The following NPIPB2 variants were observed in gnomAD, a reference collection of about 807,000 sequenced individuals.
The protein encoded by NPIPB2 is nuclear pore complex-interacting protein family member B2.
Under a neutral mutation model 30.8 loss-of-function variants are expected in NPIPB2, and 27 were observed. That is an observed-to-expected ratio of 0.88 (90% CI 0.65 to 1.21). The LOEUF (loss-of-function observed/expected upper bound fraction) is 1.21, where lower values mean the gene tolerates loss of function less well. NPIPB2 is among the 50% of genes most tolerant of loss of function. The pLI is 0.00. For synonymous variants in NPIPB2, 147 were observed against 162.0 expected, an observed-to-expected ratio of 0.91 and a Z score of 0.70; for missense variants, 440 against 446.2, an observed-to-expected ratio of 0.99 and a Z score of 0.13.
intron 1 of NPIPB2, among the ~76,000 whole-genome samples, chr16:11,951,892 G>A (rs2055069482): frequency 6.6e-6 from 1 of 152,012 alleles, no homozygotes; most frequent in Non-Finnish European, 1.5e-5. Flanking sequence ...GGGCGCGGTG[G>A]CTCACGCCTG....
At chr16:11,947,318 TTA>T (rs1160830305) in intron 1 of NPIPB2, among the ~76,000 whole-genome samples, 1 of 47,634 alleles carries the variant, frequency 2.1e-5, no homozygotes, top group Non-Finnish European at 4.7e-5. Context: ...ATTTATTTAT[TTA>T]TTTATATATA....
chr16:11,956,334 A>C (rs928297222), intron 1 of NPIPB2: 2 of 152,204 alleles, frequency 1.3e-5, no homozygotes, highest in African/African-American at 4.8e-5. Flanking sequence ...CATTGCACTA[A>C]AAAATGAACA....
chr16:11,946,386 A>AG (rs1491190975), upstream of NPIPB2, among the ~76,000 whole-genome samples: 12 of 27,732 alleles, frequency 4.3e-4, no homozygotes. Flanking sequence ...ACTCTATCTC[A>AG]AAAAAAAAAA....
At chr16:11,949,266 G>T (rs752995861) in intron 1 of NPIPB2, among the ~76,000 whole-genome samples, 4 of 152,174 alleles carry the variant, frequency 2.6e-5, no homozygotes, top group African/African-American at 4.8e-5. Flanking sequence ...TACTGTGCAC[G>T]TCGGTGATCT....
intron 1 of NPIPB2, among the ~76,000 whole-genome samples, chr16:11,938,474 G>A (rs1485056557): frequency 6.6e-6 from 1 of 151,974 alleles, no homozygotes; most frequent in African/African-American, 2.4e-5. Flanking sequence ...GGGAGTACAG[G>A]TGCCTGACAG....
intron 1 of NPIPB2, among the ~76,000 whole-genome samples, chr16:11,968,230 A>G (rs1475920194): frequency 1.3e-5 from 2 of 152,110 alleles, no homozygotes; most frequent in East Asian, 3.9e-4. Flanking sequence ...TAATCCCAGC[A>G]CTTTGAAAGG....
At chr16:11,933,676 A>T (rs1319317917) in exon 4 of NPIPB2, 1 of 1,596,778 alleles carries the variant, frequency 6.3e-7, no homozygotes, top group Non-Finnish European at 8.5e-7. Flanking sequence ...AAAGGAAGAA[A>T]CTCTTTTCTT....
Position 11,948,088 on chromosome 16 carries a change from AG to A in NPIPB2, c.-583-5975del, listed in dbSNP as rs1290782542. Reference sequence around the variant, plus strand: ...CTTCTCTGCCCACTATGGCAAAGGGAGGCAGAGTGGGGGTGGGAAGAGTCAC... The same window carrying A: ...CTTCTCTGCCCACTATGGCAAAGGGAGCAGAGTGGGGGTGGGAAGAGTCAC... On this transcript the variant is annotated intron_variant, in intron 1 of 5. Coordinates refer to the NPIPB2 transcript ENST00000538896. Among the ~76,000 whole-genome samples, 5 of 150,588 alleles carry A rather than the reference AG, an allele frequency of 3.3e-5. No individual in the cohort carries two copies. The East Asian group carries it at 9.8e-4, about 29-fold the overall frequency.
At position 11,973,620 on chromosome 16, in the gene NPIPB2, T is replaced by C. The variant is rs549977355; in HGVS notation, c.-584+2948A>G. On this transcript the variant is annotated intron_variant, in intron 1 of 5. Transcript: ENST00000538896. The stretch of plus-strand genomic sequence containing the variant: ...TTTGTTCTTGTTGCCCAGGTTGGAG[T>C]GCAGTGGTGCCATCTCGGCTCACTG... Among the ~76,000 whole-genome samples the C allele has an allele frequency of 2.6e-5, 4 of 152,262 alleles. No individual in the cohort carries two copies. The East Asian group carries it at 7.7e-4, about 29-fold the overall frequency.
intron 1 of NPIPB2, chr16:11,967,517 T>G: frequency 6.4e-7 from 1 of 1,566,502 alleles, no homozygotes; most frequent in South Asian, 1.2e-5. Context: ...AAGACTCTCA[T>G]GACCACATTC....
At chr16:11,954,527 G>T (rs12934607) in intron 1 of NPIPB2, among the ~76,000 whole-genome samples, 20,919 of 151,094 alleles carry the variant, frequency 0.14, 2,285 homozygotes, top group African/African-American at 0.28. Flanking sequence ...TTAAAAAGAC[G>T]CTTTTATGTA....
At chr16:11,933,159 G>A (rs994778625) in intron 4 of NPIPB2, among the ~76,000 whole-genome samples, 9 of 151,854 alleles carry the variant, frequency 5.9e-5, no homozygotes, top group African/African-American at 9.7e-5. Flanking sequence ...TACGTGGGAG[G>A]CTGAGGCAGG....
chr16:11,975,390 G>A (rs553153380), intron 1 of NPIPB2, among the ~76,000 whole-genome samples: 113 of 150,500 alleles, frequency 7.5e-4, no homozygotes, highest in African/African-American at 2.5e-3. Flanking sequence ...CTCGTGATCC[G>A]CCCGCCTCGG....
In NPIPB2 at chr16:11,934,654, A is replaced by G. The variant is rs566190575; in HGVS notation, c.193-730T>C. The stretch of plus-strand genomic sequence containing the variant: ...GGTGGGTGAATCACAAGGTCAAGAG[A>G]TGGACACCATCTTGGGCAACATGGT... On this transcript the variant is annotated intron_variant, in intron 2 of 7. Transcript: ENST00000399147. Among the ~76,000 whole-genome samples the G allele has an allele frequency of 2.6e-5, 4 of 151,902 alleles. No individual in the cohort carries two copies. In the East Asian group the frequency reaches 7.7e-4, roughly 29 times the overall value.
chr16:11,967,279 G>A (rs768245536), intron 1 of NPIPB2: 2 of 345,712 alleles, frequency 5.8e-6, no homozygotes, highest in Non-Finnish European at 1.1e-5. Flanking sequence ...TGGGATTACA[G>A]GCGTGAGCCA....
intron 1 of NPIPB2, among the ~76,000 whole-genome samples, chr16:11,963,567 A>C (rs2055170107): frequency 6.6e-6 from 1 of 152,116 alleles, no homozygotes; most frequent in Admixed American, 6.6e-5. Flanking sequence ...AATAAAGAAA[A>C]TATAATAAAC....
intron 1 of NPIPB2, chr16:11,941,174 T>G (rs2054933788): frequency 1.3e-6 from 2 of 1,510,398 alleles, no homozygotes; most frequent in African/African-American, 1.5e-5. Context: ...CTCACACAGG[T>G]GGACTGATGG....
chr16:11,969,662 CT>C (rs2055223038), intron 1 of NPIPB2, among the ~76,000 whole-genome samples: 1 of 152,148 alleles, frequency 6.6e-6, no homozygotes, highest in Non-Finnish European at 1.5e-5. Flanking sequence ...GGTTCTTGGC[CT>C]TGTGAGCTTC....
chr16:11,938,609 G>A (rs1188634945), intron 1 of NPIPB2, among the ~76,000 whole-genome samples: 1 of 152,052 alleles, frequency 6.6e-6, no homozygotes, highest in Non-Finnish European at 1.5e-5. Context: ...GGGATTACAG[G>A]CATGAGCCAC....
Sources: gnomAD v4.1 joint callset for allele counts (sites outside exome capture counted in the v4.1 genomes callset) on GRCh38, gnomAD v4.1.1 for gene constraint, MANE v1.5 for transcripts, NCBI Gene and HGNC (gene_info 2026-07-23, HGNC 2026-07-21) for gene names.